The following EPHA1 variants were observed in gnomAD, a reference collection of about 807,000 sequenced individuals.
The protein encoded by EPHA1 is ephrin type-A receptor 1.
A neutral mutation model predicts 110.1 loss-of-function variants in EPHA1; 92 were observed. The ratio of observed to expected loss-of-function variants is 0.84; its 90% CI spans 0.71 to 0.99. The LOEUF (loss-of-function observed/expected upper bound fraction) is 0.99. Among genes scored for constraint, EPHA1 ranks in the 50% least tolerant of loss-of-function variants. The pLI is 0.00. For synonymous variants in EPHA1, 500 were observed against 516.1 expected, an observed-to-expected ratio of 0.97 and a Z score of 0.42; for missense variants, 1,204 against 1,285.4, an observed-to-expected ratio of 0.94 and a Z score of 0.97.
At position 143,401,345 on chromosome 7, in the gene EPHA1, G is replaced by A; in HGVS notation, c.411C>T (p.Leu137=). The A allele has an allele frequency of 6.2e-7, 1 of 1,613,948 alleles. No homozygotes were observed. The highest frequency in any genetic ancestry group is 8.5e-7 in the Non-Finnish European group (1 of 1,179,996). Residue 137 remains leucine (L), a synonymous_variant, in exon 3 of 18, where the codon CTC becomes CTT. Transcript: ENST00000275815. The surrounding 1 kb of genome is among the most constrained non-coding windows in gnomAD (Gnocchi z 4.1). The part of the protein sequence containing the change: ...MESDQDVGIQ[L]RRPLFQKVTT... ...GCACCTTCTGGAACAAGGGCCGTCG[G>A]AGCTGAATGCCCACATCCTGGTCAC...
At position 143,401,447 on chromosome 7, in the gene EPHA1, C is replaced by A. The variant is rs771573883; in HGVS notation, c.309G>T (p.Val103=). 6.2e-7 allele frequency: 1 copy of A among 1,614,156 alleles called. No homozygotes were observed. The highest frequency in any genetic ancestry group is 2.2e-5 in the East Asian group (1 of 44,878). The change falls in exon 3 of 18, where the codon GTG becomes GTT. Residue 103 remains valine, a synonymous_variant. Transcript: ENST00000275815. The surrounding 1 kb of genome is among the most constrained non-coding windows in gnomAD (Gnocchi z 4.1). ...CCCCAGGGAAACTCTTGCAGTCCCG[C>A]ACGGTGAACTGCAGCTCCACGTGGA... ...SRVHVELQFT[V]RDCKSFPGGA...
At chr7:143,405,160 G>A (rs895089483) in intron 2 of EPHA1, among the ~76,000 whole-genome samples, 1 of 152,030 alleles carries the variant, frequency 6.6e-6, no homozygotes. Flanking sequence ...AGGCTGTGCT[G>A]GGGAAGCCCA....
At position 143,398,594 on chromosome 7, in the gene EPHA1, C is replaced by T. The variant is rs1193005640; in HGVS notation, c.1336+7G>A. 3 of 1,611,812 alleles carry T rather than the reference C, an allele frequency of 1.9e-6. No individual in the cohort carries two copies. Among genetic ancestry groups the T allele is most frequent in the Non-Finnish European group, 2.5e-6 (3 of 1,178,350 alleles). On this transcript the variant is annotated splice_region_variant and intron_variant, in intron 6 of 17. Coordinates refer to ENST00000275815, the MANE Select transcript of EPHA1 (RefSeq NM_005232.5). ...GGTCCCTGTCCCAGCCCCTCTCAGC[C>T]TCTCACCTGCATGCCCCATGCTGAT...
At chr7:143,408,227 G>A (rs944421073) in intron 1 of EPHA1, among the ~76,000 whole-genome samples, 1 of 152,174 alleles carries the variant, frequency 6.6e-6, no homozygotes, top group Non-Finnish European at 1.5e-5. Flanking sequence ...GCCGGAGAGG[G>A]TGTTCCAACT....
chr7:143,398,491 G>A, intron 6 of EPHA1, 43 bp from the exon 7 acceptor site: 3 of 1,612,934 alleles, frequency 1.9e-6, no homozygotes, highest in Non-Finnish European at 2.5e-6. Context: ...AAGGAAAAAG[G>A]AAATAACCTT....
At chr7:143,404,365 C>T (rs890601611) in intron 2 of EPHA1, among the ~76,000 whole-genome samples, 4 of 151,964 alleles carry the variant, frequency 2.6e-5, no homozygotes, top group South Asian at 4.2e-4. Flanking sequence ...TACAGGCGCT[C>T]GCCACCATGC....
intron 2 of EPHA1, among the ~76,000 whole-genome samples, chr7:143,402,537 C>CACCTGGG (rs1805452734): frequency 6.6e-6 from 1 of 152,218 alleles, no homozygotes; most frequent in Non-Finnish European, 1.5e-5. Context: ...GGATTACAGG[C>CACCTGGG]ATGCACCACC....
At position 143,401,116 on chromosome 7, in the gene EPHA1, CT is replaced by C; in HGVS notation, c.432+207del. 1.5e-6 allele frequency: 1 copy of C among 650,904 alleles called. No homozygotes were observed. Among genetic ancestry groups the C allele is most frequent in the East Asian group, 2.8e-5 (1 of 35,832 alleles). 40.3% of individuals were successfully genotyped at this position (650,904 alleles called of 1,614,324 possible). On this transcript the variant is annotated intron_variant, in intron 3 of 17. Transcript: ENST00000275815. The surrounding 1 kb of genome is among the most constrained non-coding windows in gnomAD (Gnocchi z 4.1). The stretch of plus-strand genomic sequence containing the variant: ...CTATGTTGCCCAGGCTGGTCTCAAG[CT>C]CCTGGCCTCAAGTGATCTTCCCACA...
chr7:143,399,718 C>T lies in EPHA1; in HGVS notation c.768G>A (p.Leu256=), dbSNP rs376932701. 6.2e-7 allele frequency: 1 copy of T among 1,613,928 alleles called. No homozygotes were observed. Among genetic ancestry groups the T allele is most frequent in the Non-Finnish European group, 8.5e-7 (1 of 1,180,032 alleles). The change falls in exon 4 of 18, where the codon CTG becomes CTA. Residue 256 remains leucine (L), a synonymous_variant. Coordinates refer to ENST00000275815, the MANE Select transcript of EPHA1 (RefSeq NM_005232.5). ...RMHCSPDGEW[L]VPVGRCHCEP... ...CACAGTGGCACCGTCCTACAGGCAC[C>T]AGCCACTCGCCATCAGGGCTGCAGT...
At position 143,395,106 on chromosome 7, in the gene EPHA1, C is replaced by T. The variant is rs1387197278; in HGVS notation, c.2145+15G>A. 2.5e-6 allele frequency: 4 copies of T among 1,613,950 alleles called. No individual in the cohort carries two copies. The highest frequency in any genetic ancestry group is 1.6e-4 in the Middle Eastern group (1 of 6,084). The stretch of plus-strand genomic sequence containing the variant: ...GGTGCATCCCCCTCCCCAGCTAGTC[C>T]TCTGCCCTCCTCACCCTCAGGAAGG... On this transcript the variant is annotated intron_variant, in intron 13 of 17. Coordinates refer to ENST00000275815, the MANE Select transcript of EPHA1 (RefSeq NM_005232.5). The surrounding 1 kb of genome is among the most constrained non-coding windows in gnomAD (Gnocchi z 4.7).
Position 143,399,947 on chromosome 7 carries a change from C to A in EPHA1, c.539G>T (p.Gly180Val). The A allele has an allele frequency of 3.1e-6, 5 of 1,613,576 alleles. No individual in the cohort carries two copies. Among genetic ancestry groups the A allele is most frequent in the Non-Finnish European group, 4.2e-6 (5 of 1,179,756 alleles). ...RCSLGRLTRR[G>V]LYLAFHNPGA... is the part of the protein sequence containing the mutation. ...CGGGTTGTGGAAAGCGAGGTAGAGG[C>A]CACGGCGGGTCAGGCGGCCCAGAGA... The change falls in exon 4 of 18, where the codon GGC becomes GTC. Residue 180 changes from glycine to valine, a missense_variant. Coordinates refer to ENST00000275815, the MANE Select transcript of EPHA1 (RefSeq NM_005232.5).
At position 143,395,559 on chromosome 7, in the gene EPHA1, G is replaced by T; in HGVS notation, c.1898-55C>A. The T allele has an allele frequency of 1.3e-6, 2 of 1,582,304 alleles. No homozygotes were observed. The highest frequency in any genetic ancestry group is 1.3e-5 in the African/African-American group (1 of 74,346). ...GATGCACTGCAGGGCTCCTCCAGGG[G>T]ACAGGCAGCAACCCCTCCAGTCCTC... is the stretch of plus-strand genomic sequence containing the variant. On this transcript the variant is annotated intron_variant, in intron 11 of 17. Transcript: ENST00000275815. The surrounding 1 kb of genome is among the most constrained non-coding windows in gnomAD (Gnocchi z 4.7).
chr7:143,393,528 T>C lies in EPHA1; in HGVS notation c.2696+143A>G, dbSNP rs1805146770. ...AATCTAAAGCTGACCTCTTGGACTCTCCCCAAGGGCACGTCTTGCCTCATA... is the reference window on the plus strand; with the variant it reads ...AATCTAAAGCTGACCTCTTGGACTCCCCCCAAGGGCACGTCTTGCCTCATA... On this transcript the variant is annotated intron_variant, in intron 16 of 17. Coordinates refer to ENST00000275815, the MANE Select transcript of EPHA1 (RefSeq NM_005232.5). This position sits in a 1 kb window ranked among gnomAD's most constrained non-coding sequence, Gnocchi z 5.6. The C allele has an allele frequency of 1.1e-6, 1 of 878,156 alleles. No individual in the cohort carries two copies. The allele number at this position is 878,156 out of a possible 1,614,324, so 54.4% of individuals were successfully genotyped here.
chr7:143,398,975 G>C (rs1805341335), intron 5 of EPHA1, 30 bp from the exon 6 acceptor site: 1 of 1,537,782 alleles, frequency 6.5e-7, no homozygotes, highest in African/African-American at 1.4e-5. Flanking sequence ...ATCAGTAGAA[G>C]CCGACCTCGC....
chr7:143,406,707 T>C (rs549431594), intron 2 of EPHA1, among the ~76,000 whole-genome samples: 1 of 152,372 alleles, frequency 6.6e-6, no homozygotes, highest in East Asian at 1.9e-4. Flanking sequence ...GACACTCAGC[T>C]ACTGTCCACT....
chr7:143,401,061 T>A lies in EPHA1; in HGVS notation c.432+263A>T. The A allele has an allele frequency of 2.0e-6, 1 of 498,250 alleles. No homozygotes were observed. The highest frequency in any genetic ancestry group is 3.6e-6 in the Non-Finnish European group (1 of 277,522). The allele number at this position is 498,250 out of a possible 1,614,324, so 30.9% of individuals were successfully genotyped here. A position where few individuals can be genotyped will look rare whatever the true frequency, so the allele number is the denominator to read the frequency against. On this transcript the variant is annotated intron_variant, in intron 3 of 17. Transcript: ENST00000275815. The surrounding 1 kb of genome is among the most constrained non-coding windows in gnomAD (Gnocchi z 4.1). ...GGTATGGGCCACCATGCCCAGGTGA[T>A]TTTTAATTTTTTGCAGAGATGAAGT...
In EPHA1 at chr7:143,393,784, G is replaced by T; in HGVS notation, c.2583C>A (p.Asn861Lys). 2 of 1,612,348 alleles carry T rather than the reference G, an allele frequency of 1.2e-6. No homozygotes were observed. Among genetic ancestry groups the T allele is most frequent in the Non-Finnish European group, 1.7e-6 (2 of 1,179,046 alleles). ...GGCGGGCACGGTCATATGCCCAGCAGTTCTTCATGAGCTCATACAGAGGGG... is the reference window on the plus strand; with the variant it reads ...GGCGGGCACGGTCATATGCCCAGCATTTCTTCATGAGCTCATACAGAGGGG... ...CPAPLYELMK[N>K]CWAYDRARRP... Residue 861 changes from asparagine (N) to lysine (K), a missense_variant, in exon 16 of 18, where the codon AAC (asparagine) becomes AAA (lysine). Transcript: ENST00000275815. This position sits in a 1 kb window ranked among gnomAD's most constrained non-coding sequence, Gnocchi z 5.6.
Position 143,399,817 on chromosome 7 carries a change from C to T in EPHA1, c.669G>A (p.Gly223=). 6.2e-7 allele frequency: 1 copy of T among 1,611,064 alleles called. No homozygotes were observed. Among genetic ancestry groups the T allele is most frequent in the Non-Finnish European group, 8.5e-7 (1 of 1,178,554 alleles). ...QFPDTLPGPA[G]LVEVAGTCLP... Reference sequence around the variant, plus strand: ...AGCAGGTCCCCGCCACTTCCACCAACCCAGCGGGGCCAGGCAGAGTGTCTG... The same window carrying T: ...AGCAGGTCCCCGCCACTTCCACCAATCCAGCGGGGCCAGGCAGAGTGTCTG... The change falls in exon 4 of 18, where the codon GGG becomes GGA. Residue 223 remains glycine, a synonymous_variant. Coordinates refer to ENST00000275815, the MANE Select transcript of EPHA1 (RefSeq NM_005232.5).
At position 143,395,839 on chromosome 7, in the gene EPHA1, G is replaced by A. The variant is rs1805229534; in HGVS notation, c.1898-335C>T. Among the ~76,000 whole-genome samples, 1 of 152,250 alleles carries A rather than the reference G, an allele frequency of 6.6e-6. No homozygotes were observed. The highest frequency in any genetic ancestry group is 1.5e-5 in the Non-Finnish European group (1 of 68,044). ...GCTAGTGCGGCACTAGTACCCAAGTGGCAGGGACGCTGGCTATGGCCGCCT... is the reference window on the plus strand; with the variant it reads ...GCTAGTGCGGCACTAGTACCCAAGTAGCAGGGACGCTGGCTATGGCCGCCT... On this transcript the variant is annotated intron_variant, in intron 11 of 17. Coordinates refer to ENST00000275815, the MANE Select transcript of EPHA1 (RefSeq NM_005232.5). This position sits in a 1 kb window ranked among gnomAD's most constrained non-coding sequence, Gnocchi z 4.7.
Sources: gnomAD v4.1 joint callset for allele counts (sites outside exome capture counted in the v4.1 genomes callset) on GRCh38, gnomAD v4.1.1 for gene constraint, Gnocchi (gnomAD v3.1) non-coding constraint, MANE v1.5 for transcripts, NCBI Gene and HGNC (gene_info 2026-07-23, HGNC 2026-07-21) for gene names.